PKN2: variants seen among roughly 807,000 people sequenced by gnomAD.
PKN2 encodes protein kinase N2, also known as serine/threonine-protein kinase N2.
In PKN2, 38 loss-of-function variants were observed where a neutral mutation model predicts 119.1. The observed-to-expected ratio is 0.32, with a 90% CI of 0.25 to 0.42. The LOEUF is 0.42. PKN2 is among the 10% of genes least tolerant of loss of function. PKN2 has a pLI of 1.00. For missense variants in PKN2, 850 were observed against 1,165.1 expected, an observed-to-expected ratio of 0.73 and a Z score of 3.94; for synonymous variants, 390 against 384.9, an observed-to-expected ratio of 1.01 and a Z score of -0.15.
chr1:88,738,648 T>G (rs6668074), intron 1 of PKN2, among the ~76,000 whole-genome samples: 1 of 152,126 alleles, frequency 6.6e-6, no homozygotes, highest in Non-Finnish European at 1.5e-5. Flanking sequence ...TCCTGAGATA[T>G]TAAGAGTACC....
rs1353269914 is a variant in PKN2 at position 88,834,247 on chromosome 1, T to C, written c.*799T>C. The C allele has an allele frequency of 6.6e-6, 1 of 152,114 alleles. No homozygotes were observed. The highest frequency in any genetic ancestry group is 1.5e-5 in the Non-Finnish European group (1 of 67,960). The allele number at this position is 152,114 out of a possible 1,614,324, so 9.4% of individuals were successfully genotyped here. ...GTATGCATTCCCAAAGTCTAGATGCTCAGTATGTTCAGTCATATCTTTCAG... is the reference window on the plus strand; with the variant it reads ...GTATGCATTCCCAAAGTCTAGATGCCCAGTATGTTCAGTCATATCTTTCAG... On this transcript the variant is annotated 3_prime_UTR_variant, in exon 22 of 22. Coordinates refer to ENST00000370521, the MANE Select transcript of PKN2 (RefSeq NM_006256.4).
At chr1:88,741,386 C>T (rs1668574332) in intron 2 of PKN2, 98 bp downstream of exon 2, 1 of 775,158 alleles carries the variant, frequency 1.3e-6, no homozygotes. Context: ...TAGTTTTTAG[C>T]TTTTCTGAAA....
chr1:88,737,328 A>T (rs545536686), intron 1 of PKN2, among the ~76,000 whole-genome samples: 5 of 152,286 alleles, frequency 3.3e-5, no homozygotes, highest in African/African-American at 1.2e-4. Context: ...GTTCAGAGGC[A>T]CGGTCTTTGG....
At chr1:88,805,789 G>C (rs760514610) in intron 11 of PKN2, 102 bp from the exon 12 acceptor site, 4 of 1,604,080 alleles carry the variant, frequency 2.5e-6, no homozygotes, top group Admixed American at 3.4e-5. Context: ...TGAAAGTAGT[G>C]TTCTGTTTAC....
chr1:88,787,813 T>C (rs978792494), intron 8 of PKN2, among the ~76,000 whole-genome samples: 4 of 152,226 alleles, frequency 2.6e-5, no homozygotes, highest in African/African-American at 4.8e-5. Flanking sequence ...TCCTCTAGGT[T>C]CTTGAGAGGC....
Position 88,747,030 on chromosome 1 carries a change from T to C in PKN2, c.349+5742T>C, listed in dbSNP as rs539358796. Among the ~76,000 whole-genome samples the C allele has an allele frequency of 3.9e-5, 6 of 152,306 alleles. No homozygotes were observed. In the South Asian group the frequency reaches 8.3e-4, roughly 21 times the overall value. On this transcript the variant is annotated intron_variant, in intron 2 of 21. Transcript: ENST00000370521. Reference sequence around the variant, plus strand: ...GACAAATAGCTAATGATCTCACTTATGTGTGGAATCTTAAAAAGACAAATT... The same window carrying C: ...GACAAATAGCTAATGATCTCACTTACGTGTGGAATCTTAAAAAGACAAATT...
intron 1 of PKN2, among the ~76,000 whole-genome samples, chr1:88,728,898 T>TG (rs951967683): frequency 4.0e-5 from 6 of 151,058 alleles, no homozygotes; most frequent in African/African-American, 1.5e-4. Flanking sequence ...CCCCATCTTT[T>TG]TTTTTTTTTT....
intron 16 of PKN2, among the ~76,000 whole-genome samples, chr1:88,820,488 G>C (rs1464226969): frequency 1.3e-5 from 2 of 149,986 alleles, no homozygotes; most frequent in Admixed American, 6.6e-5. Flanking sequence ...AGCTGAGATT[G>C]TGCAATTGCA....
chr1:88,765,651 G>A (rs1396645274), intron 3 of PKN2, among the ~76,000 whole-genome samples: 2 of 151,794 alleles, frequency 1.3e-5, no homozygotes, highest in Non-Finnish European at 2.9e-5. Context: ...TAGTGGAAGT[G>A]GTGTTGTTGT....
intron 2 of PKN2, among the ~76,000 whole-genome samples, chr1:88,753,908 A>C (rs567944827): frequency 6.6e-6 from 1 of 152,274 alleles, no homozygotes; most frequent in East Asian, 1.9e-4. Flanking sequence ...GTGTCTTTTA[A>C]CATAAAGTAG....
intron 2 of PKN2, among the ~76,000 whole-genome samples, chr1:88,755,718 A>G (rs933123142): frequency 1.3e-5 from 2 of 152,178 alleles, no homozygotes; most frequent in Non-Finnish European, 2.9e-5. Context: ...AAGTAAGTAT[A>G]TAATCAAGAC....
At chr1:88,689,998 T>C (rs1222259785) in intron 1 of PKN2, among the ~76,000 whole-genome samples, 1 of 152,220 alleles carries the variant, frequency 6.6e-6, no homozygotes, top group Non-Finnish European at 1.5e-5. Context: ...TAAATAACTT[T>C]CCAAATATTT....
At chr1:88,710,795 T>C (rs1236130782) in intron 1 of PKN2, among the ~76,000 whole-genome samples, 2 of 152,204 alleles carry the variant, frequency 1.3e-5, no homozygotes, top group Non-Finnish European at 2.9e-5. Flanking sequence ...ATTTCATTAT[T>C]TTGTATATAC....
intron 1 of PKN2, among the ~76,000 whole-genome samples, chr1:88,729,517 C>G (rs1006575196): frequency 2.0e-5 from 3 of 152,172 alleles, no homozygotes; most frequent in African/African-American, 7.2e-5. Context: ...AGCTTTTGTT[C>G]TCATACACAT....
At position 88,752,446 on chromosome 1, in the gene PKN2, C is replaced by G. The variant is rs573962081; in HGVS notation, c.350-7776C>G. 9.9e-5 allele frequency among the ~76,000 whole-genome samples: 15 copies of G among 152,030 alleles called. No individual in the cohort carries two copies. In the South Asian group the frequency reaches 2.7e-3, roughly 27 times the overall value. On this transcript the variant is annotated intron_variant, in intron 2 of 21. Coordinates refer to ENST00000370521, the MANE Select transcript of PKN2 (RefSeq NM_006256.4). ...CTAGTCCTCTAATTTTTTTCTCATT[C>G]ATGGTGAATTTTTTTCTGATTGAGC...
At chr1:88,770,976 C>T (rs1328119753) in intron 4 of PKN2, among the ~76,000 whole-genome samples, 2 of 148,558 alleles carry the variant, frequency 1.3e-5, no homozygotes, top group African/African-American at 5.0e-5. Context: ...AGATATTGAT[C>T]TAGAATGTAT....
At chr1:88,785,540 G>T (rs1336178557) in intron 7 of PKN2, among the ~76,000 whole-genome samples, 1 of 152,206 alleles carries the variant, frequency 6.6e-6, no homozygotes, top group East Asian at 1.9e-4. Context: ...TGAGATGGGG[G>T]ATGGTAGGGG....
At chr1:88,729,407 C>T (rs1369501278) in intron 1 of PKN2, among the ~76,000 whole-genome samples, 1 of 152,176 alleles carries the variant, frequency 6.6e-6, no homozygotes, top group Non-Finnish European at 1.5e-5. Context: ...TTTTCCTGGT[C>T]TCAACTGGGC....
chr1:88,782,131 A>G (rs1401436663), intron 6 of PKN2, among the ~76,000 whole-genome samples: 1 of 152,106 alleles, frequency 6.6e-6, no homozygotes, highest in East Asian at 1.9e-4. Context: ...AACTATACAT[A>G]TGTTAAGTGT....
Sources: gnomAD v4.1 joint callset for allele counts (sites outside exome capture counted in the v4.1 genomes callset) on GRCh38, gnomAD v4.1.1 for gene constraint, MANE v1.5 for transcripts, NCBI Gene and HGNC (gene_info 2026-07-23, HGNC 2026-07-21) for gene names.